The following HOOK3 variants were observed in gnomAD, a reference collection of about 807,000 sequenced individuals.
HOOK3 encodes hook microtubule tethering protein 3.
A neutral mutation model predicts 116.3 loss-of-function variants in HOOK3; 24 were observed. That is an observed-to-expected ratio of 0.21 (90% confidence interval 0.15 to 0.29). The LOEUF (loss-of-function observed/expected upper bound fraction) is 0.29, where lower values mean the gene tolerates loss of function less well. HOOK3 is among the 10% of genes least tolerant of loss of function. The pLI is 1.00. For missense variants in HOOK3, 632 were observed against 830.2 expected, an observed-to-expected ratio of 0.76 and a Z score of 2.93; for synonymous variants, 275 against 283.0, an observed-to-expected ratio of 0.97 and a Z score of 0.28.
At chr8:42,962,787 C>CTTG in intron 8 of HOOK3, among the ~76,000 whole-genome samples, 2 of 125,628 alleles carry the variant, frequency 1.6e-5, no homozygotes, top group South Asian at 5.3e-4. Context: ...TTTGGTCTGA[C>CTTG]TTCTTCTTCT....
chr8:42,996,049 C>G (rs1383487889), intron 15 of HOOK3, among the ~76,000 whole-genome samples: 1 of 152,128 alleles, frequency 6.6e-6, no homozygotes, highest in Non-Finnish European at 1.5e-5. Context: ...GGGAGGTAAG[C>G]TGGTCTCCTG....
chr8:43,007,860 G>A lies in HOOK3; in HGVS notation c.1669G>A (p.Glu557Lys). ...KLEEHLEKLH[E>K]ANNELQKKRA... ...TGTTTGTTACAGAGAGAAGCTGCAT[G>A]AGGCCAATAATGAACTACAGAAGAA... Residue 557 changes from glutamate to lysine, a missense_variant, in exon 18 of 22, where the codon GAG (glutamate) becomes AAG (lysine). Glu to Lys is a moderately conservative substitution (Grantham distance 56). This residue lies in a region of HOOK3 where 483 missense variants were observed against 648.1 expected (regional missense o/e 0.75). Coordinates refer to ENST00000307602, the MANE Select transcript of HOOK3 (RefSeq NM_032410.4). 6.3e-7 allele frequency: 1 copy of A among 1,597,484 alleles called. No homozygotes were observed. The highest frequency in any genetic ancestry group is 8.6e-7 in the Non-Finnish European group (1 of 1,169,072).
intron 5 of HOOK3, among the ~76,000 whole-genome samples, chr8:42,944,698 A>G (rs1048596173): frequency 6.6e-6 from 1 of 151,780 alleles, no homozygotes; most frequent in Non-Finnish European, 1.5e-5. Flanking sequence ...GGGCGCCTGT[A>G]ATCCCAGCTG....
intron 21 of HOOK3, among the ~76,000 whole-genome samples, chr8:43,017,486 G>C (rs1190126762): frequency 6.6e-6 from 1 of 151,974 alleles, no homozygotes; most frequent in Non-Finnish European, 1.5e-5. Flanking sequence ...GGCTGGTCTT[G>C]AGCTTCTAGC....
At chr8:42,942,131 G>A (rs1443545176) in intron 4 of HOOK3, among the ~76,000 whole-genome samples, 5 of 152,132 alleles carry the variant, frequency 3.3e-5, no homozygotes, top group South Asian at 2.1e-4. Flanking sequence ...GGTGGCACAC[G>A]CCTGTAATCC....
At chr8:42,978,659 C>T (rs959735931) in intron 13 of HOOK3, among the ~76,000 whole-genome samples, 3 of 152,044 alleles carry the variant, frequency 2.0e-5, no homozygotes, top group Non-Finnish European at 4.4e-5. Flanking sequence ...GGTGATCCAC[C>T]CACCTCGGCT....
In HOOK3 at chr8:42,940,145, A is replaced by C. The variant is rs1808078298; in HGVS notation, c.268-3168A>C. Among the ~76,000 whole-genome samples the C allele has an allele frequency of 1.3e-5, 2 of 152,250 alleles. 1 individual carries two copies. The highest frequency in any genetic ancestry group is 4.1e-4 in the South Asian group (2 of 4,836). ...GCCAAGGCAGGCCGCCGGGAGGTGG[A>C]GGCTGCAGCGAGCTGAGATCACGCC... On this transcript the variant is annotated intron_variant, in intron 4 of 21. Transcript: ENST00000307602.
At chr8:42,941,433 G>T (rs1808121573) in intron 4 of HOOK3, among the ~76,000 whole-genome samples, 1 of 149,826 alleles carries the variant, frequency 6.7e-6, no homozygotes, top group South Asian at 2.1e-4. Flanking sequence ...CACGAGAATG[G>T]TGTGAACCCG....
chr8:42,984,513 C>T (rs1255031833), intron 14 of HOOK3, among the ~76,000 whole-genome samples: 2 of 152,092 alleles, frequency 1.3e-5, no homozygotes, highest in African/African-American at 2.4e-5. Flanking sequence ...TAAATGAACA[C>T]GTATTTATGA....
intron 7 of HOOK3, among the ~76,000 whole-genome samples, chr8:42,958,327 A>G (rs534976390): frequency 4.8e-4 from 73 of 152,078 alleles, no homozygotes; most frequent in African/African-American, 1.6e-3. Flanking sequence ...TTTTTTATCT[A>G]CCACACAGAG....
chr8:43,008,051 C>T (rs1029752166), intron 18 of HOOK3, 122 bp downstream of exon 18: 4 of 384,574 alleles, frequency 1.0e-5, no homozygotes, highest in Non-Finnish European at 1.3e-5. Context: ...GATGAAGTCT[C>T]ACTCTCACCC....
At chr8:42,902,099 A>G (rs938659985) in intron 1 of HOOK3, among the ~76,000 whole-genome samples, 3 of 151,996 alleles carry the variant, frequency 2.0e-5, no homozygotes, top group Admixed American at 6.6e-5. Context: ...CTGTTTTCCA[A>G]TCTTGCATCC....
In HOOK3 at chr8:43,022,204, A is replaced by T; in HGVS notation, c.*3706A>T. On this transcript the variant is annotated 3_prime_UTR_variant, in exon 22 of 22. Coordinates refer to ENST00000307602, the MANE Select transcript of HOOK3 (RefSeq NM_032410.4). The stretch of plus-strand genomic sequence containing the variant: ...TGTCCAGCTTTGGACAGGGTTTATG[A>T]CGTTTCTGTTTCTCTAGTAATGATT... The T allele has an allele frequency of 1.4e-5, 3 of 210,436 alleles. No individual in the cohort carries two copies. Among genetic ancestry groups the T allele is most frequent in the Non-Finnish European group, 2.9e-5 (3 of 103,550 alleles). The allele number at this position is 210,436 out of a possible 1,614,324, so 13.0% of individuals were successfully genotyped here.
rs1390014580 is a variant in HOOK3, at chr8:43,020,944, TACAA to T, written c.*2451_*2454del. 1.1e-5 allele frequency: 2 copies of T among 177,354 alleles called. No individual in the cohort carries two copies. Among genetic ancestry groups the T allele is most frequent in the Non-Finnish European group, 1.2e-5 (1 of 83,134 alleles). The allele number at this position is 177,354 out of a possible 1,614,324, so 11.0% of individuals were successfully genotyped here. On this transcript the variant is annotated 3_prime_UTR_variant, in exon 22 of 22. Transcript: ENST00000307602. ...GGTGAAACTCCGTCTCTACTAAAAATACAAACAATTAGCCAGGCATGGTGGTGTG... is the reference window on the plus strand; with the variant it reads ...GGTGAAACTCCGTCTCTACTAAAAATACAATTAGCCAGGCATGGTGGTGTG...
At position 43,028,365 on chromosome 8, in the gene HOOK3, A is replaced by G. The variant is rs1319076465; in HGVS notation, c.*9867A>G. On this transcript the variant is annotated 3_prime_UTR_variant, in exon 22 of 22. Transcript: ENST00000307602. ...AGCAAGACCCCTGTCTCTAAAAAAA[A>G]ATAATATAAATTGATGTTATATAGT... The G allele has an allele frequency of 1.1e-5, 2 of 182,320 alleles. No homozygotes were observed. Among genetic ancestry groups the G allele is most frequent in the Non-Finnish European group, 2.3e-5 (2 of 85,612 alleles). 11.3% of individuals were successfully genotyped at this position (182,320 alleles called of 1,614,324 possible). A position where few individuals can be genotyped will look rare whatever the true frequency, so the allele number is the denominator to read the frequency against.
chr8:42,919,704 G>A (rs1354846235), intron 2 of HOOK3, among the ~76,000 whole-genome samples: 1 of 152,234 alleles, frequency 6.6e-6, no homozygotes, highest in Non-Finnish European at 1.5e-5. Flanking sequence ...ACCTCGGGAG[G>A]CTGAGGCTGG....
At chr8:42,930,052 AT>A (rs1363269892) in intron 3 of HOOK3, 69 bp from the exon 4 acceptor site, 5 of 1,423,132 alleles carry the variant, frequency 3.5e-6, no homozygotes, top group Non-Finnish European at 4.7e-6. Context: ...TGGCTCAGAA[AT>A]TTTTTATGTT....
chr8:42,946,457 A>G (rs887166192), intron 5 of HOOK3, among the ~76,000 whole-genome samples: 10 of 152,202 alleles, frequency 6.6e-5, no homozygotes, highest in African/African-American at 2.4e-4. Flanking sequence ...GGCAGGAGAT[A>G]GGGGCTATTA....
At chr8:42,916,190 T>C (rs923540127) in intron 2 of HOOK3, among the ~76,000 whole-genome samples, 9 of 152,226 alleles carry the variant, frequency 5.9e-5, no homozygotes, top group African/African-American at 2.2e-4. Context: ...CTTTTTAATA[T>C]TGCCGCCGCC....
Sources: allele counts gnomAD v4.1 joint callset (sites outside exome capture counted in the v4.1 genomes callset), GRCh38; gene constraint gnomAD v4.1.1; regional missense constraint gnomAD v4.1.1; transcripts MANE v1.5; gene names NCBI Gene and HGNC (gene_info 2026-07-23, HGNC 2026-07-21).